AFF2: variants seen among roughly 807,000 people sequenced by gnomAD.
AFF2 encodes the protein ALF transcription elongation factor 2.
Under a neutral mutation model 76.9 loss-of-function variants are expected in AFF2, and 14 were observed. That is an observed-to-expected ratio of 0.18 (90% confidence interval 0.12 to 0.28). The LOEUF (loss-of-function observed/expected upper bound fraction) is 0.28, where lower values mean the gene tolerates loss of function less well. Among genes scored for constraint, AFF2 ranks in the 10% least tolerant of loss-of-function variants. The pLI is 1.00. For synonymous variants in AFF2, 398 were observed against 366.7 expected, an observed-to-expected ratio of 1.09 and a Z score of -0.98; for missense variants, 868 against 1,001.1, an observed-to-expected ratio of 0.87 and a Z score of 1.79.
intron 9 of AFF2, among the ~76,000 whole-genome samples, chrX:148,913,245 T>G (rs1356955185): frequency 1.8e-5 from 2 of 112,409 alleles, no homozygotes; most frequent in African/African-American, 6.5e-5. Flanking sequence ...TCTACAGTTT[T>G]TACCAACTCC....
intron 3 of AFF2, 21 bp downstream of exon 3, chrX:148,662,789 T>C: frequency 1.7e-6 from 2 of 1,193,643 alleles, no homozygotes; most frequent in African/African-American, 3.5e-5. Flanking sequence ...TTTAAAGTTT[T>C]GTTTGGTTTC....
At chrX:148,939,007 A>G (rs1217508864) in intron 9 of AFF2, among the ~76,000 whole-genome samples, 1 of 111,521 alleles carries the variant, frequency 9.0e-6, no homozygotes, top group Non-Finnish European at 1.9e-5. Context: ...ATTATAAAGG[A>G]CCATTAAAAC....
chrX:148,536,621 G>C lies in AFF2; in HGVS notation c.47+35477G>C, dbSNP rs782594953. On this transcript the variant is annotated intron_variant, in intron 1 of 20. Coordinates refer to ENST00000370460, the MANE Select transcript of AFF2 (RefSeq NM_002025.4). The stretch of plus-strand genomic sequence containing the variant: ...CTACCTGTGTTGAAACTTTAATAAA[G>C]AGAATAATAAATATCTTCATAGAAA... Among the ~76,000 whole-genome samples, 250 of 112,421 alleles carry C rather than the reference G, an allele frequency of 2.2e-3. 2 individuals carry two copies. The highest frequency in any genetic ancestry group is 3.6e-3 in the Admixed American group (38 of 10,647).
chrX:148,758,741 A>T (rs1603295422), intron 3 of AFF2, among the ~76,000 whole-genome samples: 1 of 112,230 alleles, frequency 8.9e-6, no homozygotes, highest in East Asian at 2.8e-4. Flanking sequence ...TGGTATTGTA[A>T]ATAGAGCTGC....
chrX:148,950,897 C>A (rs1557286538), intron 9 of AFF2, among the ~76,000 whole-genome samples: 1 of 111,182 alleles, frequency 9.0e-6, no homozygotes. Flanking sequence ...TTTTTCTAAC[C>A]TTGAGACAAA....
At chrX:148,894,910 T>TAC (rs2071265227) in intron 8 of AFF2, among the ~76,000 whole-genome samples, 1 of 110,888 alleles carries the variant, frequency 9.0e-6, no homozygotes, top group African/African-American at 3.3e-5. Flanking sequence ...TATATATATA[T>TAC]ACACAAAATT....
chrX:148,557,394 G>C (rs1340992445), intron 1 of AFF2, among the ~76,000 whole-genome samples: 2 of 112,044 alleles, frequency 1.8e-5, no homozygotes, highest in Non-Finnish European at 3.8e-5. Flanking sequence ...CCAGAGACTG[G>C]GTAATCTATA....
At chrX:148,855,237 G>A (rs1174354324) in intron 7 of AFF2, among the ~76,000 whole-genome samples, 1 of 110,793 alleles carries the variant, frequency 9.0e-6, no homozygotes, top group African/African-American at 3.3e-5. Flanking sequence ...GGTCAGCGTG[G>A]GTACTAAGGA....
intron 5 of AFF2, among the ~76,000 whole-genome samples, chrX:148,839,348 C>G (rs992660726): frequency 8.9e-6 from 1 of 112,228 alleles, no homozygotes; most frequent in African/African-American, 3.2e-5. Flanking sequence ...GAAAAGTACA[C>G]TTTAAATAAC....
At chrX:148,789,182 AT>A (rs2069859748) in intron 3 of AFF2, among the ~76,000 whole-genome samples, 1 of 112,248 alleles carries the variant, frequency 8.9e-6, no homozygotes, top group Non-Finnish European at 1.9e-5. Context: ...TAGTCTGTCA[AT>A]TTTATAAAAT....
intron 9 of AFF2, among the ~76,000 whole-genome samples, chrX:148,950,816 C>T (rs782139887): frequency 2.7e-5 from 3 of 111,998 alleles, no homozygotes; most frequent in Admixed American, 9.5e-5. Flanking sequence ...GTCAAATTTT[C>T]ATATATGATT....
chrX:148,694,491 G>A (rs782317541), intron 3 of AFF2, among the ~76,000 whole-genome samples: 1 of 111,538 alleles, frequency 9.0e-6, no homozygotes, highest in African/African-American at 3.3e-5. Flanking sequence ...ATAGGGGATG[G>A]AGGAGGGTCA....
At chrX:148,610,335 C>T (rs1345730485) in intron 1 of AFF2, among the ~76,000 whole-genome samples, 1 of 111,681 alleles carries the variant, frequency 9.0e-6, no homozygotes, top group Non-Finnish European at 1.9e-5. Context: ...TTCCTGACTC[C>T]TACTTTGGGG....
chrX:148,580,916 C>T (rs189492157), intron 1 of AFF2, among the ~76,000 whole-genome samples: 1 of 79,820 alleles, frequency 1.3e-5, no homozygotes, highest in Non-Finnish European at 2.5e-5. Flanking sequence ...GGAAAGAATT[C>T]TCATATCCCT....
intron 4 of AFF2, 109 bp downstream of exon 4, chrX:148,810,029 C>A: frequency 1.3e-6 from 1 of 769,432 alleles, no homozygotes; most frequent in Non-Finnish European, 1.9e-6. Flanking sequence ...GATGGGGAAT[C>A]CTGATATTCT....
Position 148,806,905 on chromosome X carries a change from G to C in AFF2, c.1042-2971G>C, listed in dbSNP as rs188421392. ...GTTAATTAAAAAGCACTTGCAGGAA[G>C]GAAAAGCACTTGCGGTTCAAATGTG... On this transcript the variant is annotated intron_variant, in intron 3 of 20. Coordinates refer to ENST00000370460, the MANE Select transcript of AFF2 (RefSeq NM_002025.4). Among the ~76,000 whole-genome samples, 97 of 112,459 alleles carry C rather than the reference G, an allele frequency of 8.6e-4. 2 individuals are homozygous for C. Among genetic ancestry groups the C allele is most frequent in the African/African-American group, 2.7e-3 (83 of 30,990 alleles).
intron 5 of AFF2, among the ~76,000 whole-genome samples, chrX:148,840,282 A>T (rs1444369628): frequency 2.7e-5 from 3 of 112,145 alleles, no homozygotes; most frequent in Non-Finnish European, 5.6e-5. Context: ...ACATGTTATT[A>T]TGAATAATAT....
intron 3 of AFF2, among the ~76,000 whole-genome samples, chrX:148,766,487 G>C (rs1329755747): frequency 9.4e-6 from 1 of 106,900 alleles, no homozygotes; most frequent in Non-Finnish European, 1.9e-5. Context: ...GTATTTTTTG[G>C]CTGCATAAAT....
intron 3 of AFF2, among the ~76,000 whole-genome samples, chrX:148,700,525 G>T (rs1320559287): frequency 1.9e-5 from 2 of 106,540 alleles, no homozygotes; most frequent in African/African-American, 6.9e-5. Flanking sequence ...CTCGGTCCTG[G>T]CACTGAGGCA....
Sources: allele counts gnomAD v4.1 joint callset (sites outside exome capture counted in the v4.1 genomes callset), GRCh38; gene constraint gnomAD v4.1.1; transcripts MANE v1.5; gene names NCBI Gene and HGNC (gene_info 2026-07-23, HGNC 2026-07-21).